Variants in LCP2 observed in about 807,000 individuals in gnomAD.
The protein encoded by LCP2 is lymphocyte cytosolic protein 2, also known as 76 kDa tyrosine phosphoprotein.
Under a neutral mutation model 74.5 loss-of-function variants are expected in LCP2, and 29 were observed. The ratio of observed to expected loss-of-function variants is 0.39; its 90% confidence interval spans 0.29 to 0.53. LCP2 has a LOEUF of 0.53. Among genes scored for constraint, LCP2 ranks in the 20% least tolerant of loss-of-function variants. The probability of loss-of-function intolerance (pLI) is 0.72; values close to 1 mark genes in which losing one functional copy is unlikely to be tolerated. For synonymous variants in LCP2, 228 were observed against 229.5 expected, an observed-to-expected ratio of 0.99 and a Z score of 0.06; for missense variants, 604 against 634.6, an observed-to-expected ratio of 0.95 and a Z score of 0.52.
chr5:170,250,941 CT>C lies in LCP2; in HGVS notation c.1324-57del, dbSNP rs1285239988. 3.4e-6 allele frequency: 5 copies of C among 1,464,834 alleles called. No homozygotes were observed. The Admixed American group carries it at 5.5e-5, about 16-fold the overall frequency. The allele number at this position is 1,464,834 out of a possible 1,614,324, so 90.7% of individuals were successfully genotyped here. A position where few individuals can be genotyped will look rare whatever the true frequency, so the allele number is the denominator to read the frequency against. ...GCAGTAAAAGTCAATATTTTTGTTG[CT>C]TGTAAGAGTAGTAGACAAGCCTCTA... On this transcript the variant is annotated intron_variant, in intron 19 of 20. Coordinates refer to ENST00000046794, the MANE Select transcript of LCP2 (RefSeq NM_005565.5).
chr5:170,253,613 C>T (rs972438465), intron 17 of LCP2, among the ~76,000 whole-genome samples: 2 of 152,122 alleles, frequency 1.3e-5, no homozygotes, highest in Non-Finnish European at 2.9e-5. Context: ...GAATGGATTC[C>T]CAACAGCTGA....
rs2113157369 is a variant in LCP2, at chr5:170,256,537, T to C, written c.1139A>G (p.Tyr380Cys). The C allele has an allele frequency of 6.2e-7, 1 of 1,612,862 alleles. No homozygotes were observed. The highest frequency in any genetic ancestry group is 1.7e-5 in the Admixed American group (1 of 60,010). ...CCCAGAGTACAAACCTTGAGAGAAG[T>C]ATGGTGGCAGGGAGGCACTCTGTGG... Reference protein sequence around the residue: ...SFPQSASLPPYFSQGPSNRPP... With the variant: ...SFPQSASLPPCFSQGPSNRPP... The change falls in exon 17 of 21, where the codon TAC becomes TGC. Residue 380 changes from tyrosine (Y) to cysteine (C), a missense_variant. Coordinates refer to ENST00000046794, the MANE Select transcript of LCP2 (RefSeq NM_005565.5). This position sits in a 1 kb window ranked among gnomAD's most constrained non-coding sequence, Gnocchi z 4.5.
chr5:170,255,212 A>T (rs932735210), intron 17 of LCP2, among the ~76,000 whole-genome samples: 4 of 152,244 alleles, frequency 2.6e-5, no homozygotes, highest in Non-Finnish European at 4.4e-5. Flanking sequence ...GAACGTGGAC[A>T]CCACCATAAC....
At chr5:170,250,696 A>T (rs1761417096) in intron 20 of LCP2, 34 bp downstream of exon 20, 1 of 1,585,782 alleles carries the variant, frequency 6.3e-7, no homozygotes, top group African/African-American at 1.3e-5. Context: ...ATAAATAAAG[A>T]CTTTGGGAAA....
At chr5:170,268,270 C>G (rs1761806279) in intron 8 of LCP2, 115 bp downstream of exon 8, 1 of 167,506 alleles carries the variant, frequency 6.0e-6, no homozygotes, top group South Asian at 1.7e-4. Context: ...AGATTATAAT[C>G]TTTTCTTACA....
intron 2 of LCP2, among the ~76,000 whole-genome samples, chr5:170,289,691 T>C (rs571870100): frequency 0.024 from 3,218 of 135,522 alleles, 52 homozygotes; most frequent in South Asian, 0.04. Flanking sequence ...CTCTCTTTCT[T>C]TCTTTCTTTC....
At chr5:170,265,213 T>C (rs1474527664) in intron 10 of LCP2, among the ~76,000 whole-genome samples, 1 of 152,080 alleles carries the variant, frequency 6.6e-6, no homozygotes, top group East Asian at 1.9e-4. Flanking sequence ...GGTCTCCATC[T>C]CCTGACGTTG....
intron 2 of LCP2, among the ~76,000 whole-genome samples, chr5:170,291,657 G>A (rs765792273): frequency 2.6e-5 from 4 of 152,154 alleles, no homozygotes; most frequent in Non-Finnish European, 5.9e-5. Context: ...GCCGGGAGGG[G>A]CCATCACCCA....
intron 2 of LCP2, among the ~76,000 whole-genome samples, chr5:170,290,972 GAAAGAAAGAAAGAAAGAA>G (rs1322718815): frequency 2.0e-3 from 74 of 37,306 alleles, no homozygotes; most frequent in African/African-American, 6.8e-3. Context: ...AAGAAAGAAA[GAAAGAAAGAAAGAAAGAA>G]AGAAAGAAAG....
intron 17 of LCP2, among the ~76,000 whole-genome samples, chr5:170,255,668 T>C (rs1761537193): frequency 6.6e-6 from 1 of 152,198 alleles, no homozygotes. Flanking sequence ...CACTTGCAAG[T>C]CTTTAAGGAT....
rs1581074542 is a variant in LCP2, at chr5:170,286,817, T to C, written c.188+1153A>G. Among the ~76,000 whole-genome samples the C allele has an allele frequency of 2.6e-5, 4 of 152,248 alleles. No homozygotes were observed. In the South Asian group the frequency reaches 8.3e-4, roughly 32 times the overall value. Reference sequence around the variant, plus strand: ...TTCATGAGATCTCCCCACCTCCTACTCCTTTGGCCTACTTCCCTTTTATTA... The same window carrying C: ...TTCATGAGATCTCCCCACCTCCTACCCCTTTGGCCTACTTCCCTTTTATTA... On this transcript the variant is annotated intron_variant, in intron 3 of 20. Coordinates refer to ENST00000046794, the MANE Select transcript of LCP2 (RefSeq NM_005565.5).
At chr5:170,264,161 A>G (rs1320617872) in intron 10 of LCP2, among the ~76,000 whole-genome samples, 1 of 152,216 alleles carries the variant, frequency 6.6e-6, no homozygotes, top group Non-Finnish European at 1.5e-5. Context: ...GAACTTTCTC[A>G]AGGAGCGATA....
rs753166911 is a variant in LCP2, at chr5:170,248,671, C to T, written c.*26G>A. The T allele has an allele frequency of 1.4e-5, 23 of 1,593,474 alleles. 1 individual carries two copies. Among genetic ancestry groups the T allele is most frequent in the Admixed American group, 1.0e-4 (6 of 57,624 alleles). Reference sequence around the variant, plus strand: ...CGTGTTGGCAACAGAGGCAGGAGGACGGTTCATTTGCTCGGCTATAACTTG... The same window carrying T: ...CGTGTTGGCAACAGAGGCAGGAGGATGGTTCATTTGCTCGGCTATAACTTG... On this transcript the variant is annotated 3_prime_UTR_variant, in exon 21 of 21. Transcript: ENST00000046794.
chr5:170,280,278 T>C (rs751284815), intron 3 of LCP2, among the ~76,000 whole-genome samples: 4 of 151,776 alleles, frequency 2.6e-5, no homozygotes, highest in Non-Finnish European at 5.9e-5. Context: ...GGCAGATGCC[T>C]CTCCCCCTGT....
chr5:170,277,991 A>C (rs987120291), intron 3 of LCP2, among the ~76,000 whole-genome samples: 17 of 151,660 alleles, frequency 1.1e-4, no homozygotes, highest in African/African-American at 4.1e-4. Context: ...TGCCGTCAGA[A>C]TGCTTGTGAC....
intron 17 of LCP2, among the ~76,000 whole-genome samples, chr5:170,253,587 A>C (rs1407643252): frequency 6.6e-6 from 1 of 152,258 alleles, no homozygotes; most frequent in African/African-American, 2.4e-5. Context: ...AGATTCTTAT[A>C]ATATCATCAT....
chr5:170,251,334 C>T (rs546335120), intron 19 of LCP2: 2 of 192,118 alleles, frequency 1.0e-5, no homozygotes, highest in Non-Finnish European at 2.2e-5. Flanking sequence ...TGAAATTCAC[C>T]CTTCTTAAAA....
chr5:170,267,153 T>C, intron 8 of LCP2, 78 bp from the exon 9 acceptor site: 2 of 1,404,948 alleles, frequency 1.4e-6, no homozygotes, highest in Non-Finnish European at 2.0e-6. Flanking sequence ...TGTCTGGATC[T>C]GCTCACTTTT....
intron 17 of LCP2, among the ~76,000 whole-genome samples, chr5:170,255,404 C>T (rs1336187420): frequency 6.6e-6 from 1 of 152,168 alleles, no homozygotes; most frequent in African/African-American, 2.4e-5. Flanking sequence ...CACACACTGG[C>T]CCGTGCACAC....
Sources: gnomAD v4.1 joint callset for allele counts (sites outside exome capture counted in the v4.1 genomes callset) on GRCh38, gnomAD v4.1.1 for gene constraint, Gnocchi (gnomAD v3.1) non-coding constraint, MANE v1.5 for transcripts, NCBI Gene and HGNC (gene_info 2026-07-23, HGNC 2026-07-21) for gene names.